The following SCG5 variants were observed in gnomAD, a reference collection of about 807,000 sequenced individuals.
SCG5 encodes the protein secretogranin V, also known as neuroendocrine protein 7B2.
Under a neutral mutation model 25.7 loss-of-function variants are expected in SCG5, and 18 were observed. That is an observed-to-expected ratio of 0.70 (90% CI 0.48 to 1.04). The LOEUF is 1.04. Among genes scored for constraint, SCG5 ranks in the 50% least tolerant of loss-of-function variants. The pLI is 0.00. For missense variants in SCG5, 206 were observed against 259.8 expected, an observed-to-expected ratio of 0.79 and a Z score of 1.42; for synonymous variants, 101 against 91.7, an observed-to-expected ratio of 1.10 and a Z score of -0.58.
chr15:32,693,274 T>C (rs1046803862), intron 5 of SCG5, among the ~76,000 whole-genome samples: 4 of 152,214 alleles, frequency 2.6e-5, no homozygotes, highest in Non-Finnish European at 5.9e-5. Context: ...AGGTCATTTT[T>C]CCGTGAGACT....
At chr15:32,652,963 A>G in intron 2 of SCG5, among the ~76,000 whole-genome samples, 1 of 152,360 alleles carries the variant, frequency 6.6e-6, no homozygotes, top group East Asian at 1.9e-4. Context: ...TAATAGTAAT[A>G]AATGTTTTAG....
intron 2 of SCG5, among the ~76,000 whole-genome samples, chr15:32,648,143 C>T (rs2053973667): frequency 1.3e-5 from 2 of 152,210 alleles, no homozygotes; most frequent in Non-Finnish European, 2.9e-5. Flanking sequence ...AGTAGTGCCC[C>T]TGCTTAGCCA....
intron 2 of SCG5, among the ~76,000 whole-genome samples, chr15:32,662,798 A>G (rs2054241908): frequency 6.6e-6 from 1 of 151,684 alleles, no homozygotes; most frequent in African/African-American, 2.4e-5. Context: ...ATTTCCTGTA[A>G]TGGCCACCAG....
chr15:32,677,321 A>T (rs1595811621), intron 2 of SCG5, among the ~76,000 whole-genome samples: 3 of 152,352 alleles, frequency 2.0e-5, no homozygotes, highest in Admixed American at 2.0e-4. Context: ...TTTAAGGTTA[A>T]ACTTTAATCA....
chr15:32,642,135 T>C (rs2053873949), intron 1 of SCG5, among the ~76,000 whole-genome samples: 1 of 152,110 alleles, frequency 6.6e-6, no homozygotes, highest in Non-Finnish European at 1.5e-5. Flanking sequence ...GTTTTATATC[T>C]AGTGGCTAGA....
chr15:32,682,136 C>T (rs2054630932), intron 3 of SCG5, among the ~76,000 whole-genome samples: 1 of 152,096 alleles, frequency 6.6e-6, no homozygotes, highest in Non-Finnish European at 1.5e-5. Context: ...AAGTGTGATT[C>T]CAGGACCACC....
chr15:32,644,880 C>T (rs1352109970), intron 2 of SCG5, among the ~76,000 whole-genome samples: 1 of 152,118 alleles, frequency 6.6e-6, no homozygotes, highest in Non-Finnish European at 1.5e-5. Flanking sequence ...TGCTATCTGC[C>T]CTAGGGTTCT....
chr15:32,657,208 T>TAC, intron 2 of SCG5, among the ~76,000 whole-genome samples: 1 of 80,024 alleles, frequency 1.2e-5, no homozygotes, highest in African/African-American at 5.0e-5. Flanking sequence ...TGTATATATA[T>TAC]ATATGTATGT....
At chr15:32,673,563 T>TGTGTGTGTGTGTG (rs1555435529) in intron 2 of SCG5, among the ~76,000 whole-genome samples, 4 of 137,456 alleles carry the variant, frequency 2.9e-5, no homozygotes, top group African/African-American at 1.1e-4. Context: ...TGTGTGTGTG[T>TGTGTGTGTGTGTG]TGTGCGGGGG....
At chr15:32,687,842 C>T (rs1002328468) in intron 4 of SCG5, among the ~76,000 whole-genome samples, 1 of 151,962 alleles carries the variant, frequency 6.6e-6, no homozygotes, top group African/African-American at 2.4e-5. Context: ...CTTCCGGGCC[C>T]CGTGTTAGGT....
intron 5 of SCG5, among the ~76,000 whole-genome samples, chr15:32,693,657 G>T (rs556745249): frequency 6.6e-6 from 1 of 152,176 alleles, no homozygotes; most frequent in African/African-American, 2.4e-5. Flanking sequence ...CTCAGCATCT[G>T]CTGTGAGTTT....
chr15:32,652,020 TGAA>T (rs1182242918), intron 2 of SCG5, among the ~76,000 whole-genome samples: 1 of 151,932 alleles, frequency 6.6e-6, no homozygotes, highest in African/African-American at 2.4e-5. Context: ...GCCAGGTAGA[TGAA>T]GAAGAATCCA....
At chr15:32,650,538 A>G (rs190712422) in intron 2 of SCG5, among the ~76,000 whole-genome samples, 132 of 152,334 alleles carry the variant, frequency 8.7e-4, no homozygotes, top group African/African-American at 3.1e-3. Flanking sequence ...CTAAATGGCT[A>G]CTGTTGTATT....
intron 2 of SCG5, among the ~76,000 whole-genome samples, chr15:32,673,321 T>A (rs1395519262): frequency 6.6e-6 from 1 of 152,138 alleles, no homozygotes; most frequent in Non-Finnish European, 1.5e-5. Context: ...TAAAGCAAGA[T>A]CACCTAGGCA....
rs2054861283 is a variant in SCG5 at position 32,691,710 on chromosome 15, A to G, written c.490A>G (p.Asn164Asp). 6.2e-7 allele frequency: 1 copy of G among 1,606,254 alleles called. No individual in the cohort carries two copies. Among genetic ancestry groups the G allele is most frequent in the South Asian group, 1.1e-5 (1 of 89,256 alleles). Residue 164 changes from asparagine to aspartate, a missense_variant and splice_region_variant, in exon 5 of 6, where the codon AAC (asparagine) becomes GAC (aspartate). Coordinates refer to ENST00000300175, the MANE Select transcript of SCG5 (RefSeq NM_001144757.3). ...TTGTTTTCTTTTCTCCCCATTCTAG[A>G]ACAAGAAACTCCTTTACGAGAAGAT... ...EHDYPGLGKW[N>D]KKLLYEKMKG...
At chr15:32,671,093 T>C (rs1401064755) in intron 2 of SCG5, among the ~76,000 whole-genome samples, 4 of 152,134 alleles carry the variant, frequency 2.6e-5, no homozygotes, top group Non-Finnish European at 2.9e-5. Context: ...AGGGGAGGAA[T>C]TGGGGTCCAG....
chr15:32,691,646 A>G (rs929960212), intron 4 of SCG5, 64 bp from the exon 5 acceptor site: 1 of 1,308,916 alleles, frequency 7.6e-7, no homozygotes, highest in East Asian at 2.5e-5. Context: ...TGCTTTTAAA[A>G]TAGACATTCA....
In SCG5 at chr15:32,652,608, A is replaced by C. The variant is rs547070998; in HGVS notation, c.226+8790A>C. The stretch of plus-strand genomic sequence containing the variant: ...CCTTCCTCCATTGGGGAAAAAGGAA[A>C]GTGGCAAAGGTGTGCTGGGATACAG... On this transcript the variant is annotated intron_variant, in intron 2 of 5. Transcript: ENST00000300175. Among the ~76,000 whole-genome samples, 8 of 152,306 alleles carry C rather than the reference A, an allele frequency of 5.3e-5. No homozygotes were observed. The East Asian group carries it at 1.5e-3, about 29-fold the overall frequency.
intron 2 of SCG5, among the ~76,000 whole-genome samples, chr15:32,655,360 C>G (rs1482291556): frequency 6.6e-6 from 1 of 152,102 alleles, no homozygotes; most frequent in Non-Finnish European, 1.5e-5. Context: ...ATATATGATC[C>G]TAAGCAAAAT....
Sources: gnomAD v4.1 joint callset for allele counts (sites outside exome capture counted in the v4.1 genomes callset) on GRCh38, gnomAD v4.1.1 for gene constraint, MANE v1.5 for transcripts, NCBI Gene and HGNC (gene_info 2026-07-23, HGNC 2026-07-21) for gene names.